Variants in MACROD1 observed in about 807,000 individuals in gnomAD.
MACROD1 encodes the protein mono-ADP ribosylhydrolase 1.
A neutral mutation model predicts 41.4 loss-of-function variants in MACROD1; 31 were observed. That is an observed-to-expected ratio of 0.75 (90% CI 0.56 to 1.01). MACROD1 has a LOEUF of 1.01. Among genes scored for constraint, MACROD1 ranks in the 50% least tolerant of loss-of-function variants. The pLI is 0.00. For missense variants in MACROD1, 473 were observed against 460.0 expected, an observed-to-expected ratio of 1.03 and a Z score of -0.26; for synonymous variants, 252 against 203.4, an observed-to-expected ratio of 1.24 and a Z score of -2.03.
At chr11:64,028,882 ACT>A (rs1409419081) in intron 3 of MACROD1, among the ~76,000 whole-genome samples, 1 of 151,694 alleles carries the variant, frequency 6.6e-6, no homozygotes, top group Non-Finnish European at 1.5e-5. Flanking sequence ...GGCTTAGGAC[ACT>A]CTTTCTCCTT....
chr11:64,159,424 T>A, intron 1 of MACROD1, among the ~76,000 whole-genome samples: 1 of 150,822 alleles, frequency 6.6e-6, no homozygotes, highest in East Asian at 1.9e-4. Context: ...GGAGTCTGGG[T>A]GGCGGAGGCT....
chr11:64,015,134 G>T, intron 4 of MACROD1, 118 bp downstream of exon 4: 1 of 1,123,256 alleles, frequency 8.9e-7, no homozygotes, highest in South Asian at 1.9e-5. Context: ...ACCCTGTGAG[G>T]ACAGTGGGGA....
chr11:64,017,109 A>G (rs1418777853), intron 3 of MACROD1, among the ~76,000 whole-genome samples: 1 of 152,130 alleles, frequency 6.6e-6, no homozygotes, highest in East Asian at 1.9e-4. Flanking sequence ...AGCTGGGACT[A>G]CAGGCATGCG....
Position 64,000,242 on chromosome 11 carries a change from G to C in MACROD1, c.649C>G (p.Arg217Gly). 2 of 1,606,020 alleles carry C rather than the reference G, an allele frequency of 1.2e-6. No homozygotes were observed. The highest frequency in any genetic ancestry group is 1.7e-6 in the Non-Finnish European group (2 of 1,177,228). ...TGKAKITGGYRLPAKYVIHTV... is the reference protein window; with the variant it reads ...TGKAKITGGYGLPAKYVIHTV... ...GGGGACTCACACTTGGCCGGGAGCCGATAGCCGCCGGTGATCTTGGCCTTG... is the reference window on the plus strand; with the variant it reads ...GGGGACTCACACTTGGCCGGGAGCCCATAGCCGCCGGTGATCTTGGCCTTG... Residue 217 changes from arginine (R) to glycine (G), a missense_variant, in exon 5 of 11, where the codon CGG (arginine) becomes GGG (glycine). Arg to Gly is a moderately radical substitution (Grantham distance 125). Coordinates refer to ENST00000255681, the MANE Select transcript of MACROD1 (RefSeq NM_014067.4).
At chr11:64,033,818 G>A (rs929484006) in intron 3 of MACROD1, among the ~76,000 whole-genome samples, 4 of 151,966 alleles carry the variant, frequency 2.6e-5, no homozygotes, top group Non-Finnish European at 5.9e-5. Context: ...TCCAGCCTGG[G>A]CGACAAGAGT....
rs377112197 is a variant in MACROD1, at chr11:64,116,987, C to T, written c.517+34252G>A. ...ACCTGCTGGCCAACCAGCGCATCGC[C>T]GACGACACCTTCAGCCGCCTACAGA... On this transcript the variant is annotated intron_variant, in intron 3 of 10. Coordinates refer to ENST00000255681, the MANE Select transcript of MACROD1 (RefSeq NM_014067.4). 5.1e-5 allele frequency: 83 copies of T among 1,612,356 alleles called. 1 individual carries two copies. In the East Asian group the frequency reaches 1.0e-3, roughly 19 times the overall value.
chr11:64,119,688 G>A (rs180713671), intron 3 of MACROD1, among the ~76,000 whole-genome samples: 11 of 152,256 alleles, frequency 7.2e-5, no homozygotes, highest in Admixed American at 5.2e-4. Context: ...TTGAGAGGGA[G>A]AGACCAGATC....
rs139768227 is a variant in MACROD1 at position 64,116,305 on chromosome 11, C to G, written c.517+34934G>C. ...CACCCCACCGCCACTGCCACCACCACGCCCACTGCCACTGTCACGGCCACC... is the reference window on the plus strand; with the variant it reads ...CACCCCACCGCCACTGCCACCACCAGGCCCACTGCCACTGTCACGGCCACC... On this transcript the variant is annotated intron_variant, in intron 3 of 10. Coordinates refer to ENST00000255681, the MANE Select transcript of MACROD1 (RefSeq NM_014067.4). The G allele has an allele frequency of 1.5e-3, 2,449 of 1,606,438 alleles. 4 individuals are homozygous for G. Among genetic ancestry groups the G allele is most frequent in the Non-Finnish European group, 1.9e-3 (2,211 of 1,178,140 alleles).
intron 3 of MACROD1, among the ~76,000 whole-genome samples, chr11:64,147,050 CAG>C (rs1945505701): frequency 6.6e-6 from 1 of 152,072 alleles, no homozygotes; most frequent in African/African-American, 2.4e-5. Flanking sequence ...AGTAGGGAAA[CAG>C]AATCTGATTT....
intron 5 of MACROD1, chr11:64,000,018 C>T (rs1444922372): frequency 9.5e-6 from 6 of 632,030 alleles, no homozygotes; most frequent in Non-Finnish European, 1.6e-5. Context: ...AAGGCGTTGC[C>T]CCCCAGCTCC....
intron 3 of MACROD1, among the ~76,000 whole-genome samples, chr11:64,106,836 C>T (rs546807222): frequency 1.2e-4 from 18 of 152,300 alleles, no homozygotes; most frequent in Middle Eastern, 3.4e-3. Flanking sequence ...AGACCTTTAG[C>T]CCCTCTCCTT....
intron 4 of MACROD1, among the ~76,000 whole-genome samples, chr11:64,011,151 G>A (rs1396478888): frequency 1.4e-5 from 2 of 145,762 alleles, no homozygotes; most frequent in Admixed American, 6.8e-5. Flanking sequence ...AGTTGGTTGG[G>A]GTGTTAGGAT....
chr11:64,073,470 G>A (rs938688574), intron 3 of MACROD1, among the ~76,000 whole-genome samples: 3 of 152,226 alleles, frequency 2.0e-5, no homozygotes, highest in Admixed American at 6.5e-5. Context: ...CCTGTCAGGT[G>A]GACAGCATGA....
chr11:64,071,065 C>T (rs1024161716), intron 3 of MACROD1, among the ~76,000 whole-genome samples: 1 of 152,158 alleles, frequency 6.6e-6, no homozygotes, highest in Non-Finnish European at 1.5e-5. Flanking sequence ...CTGTTGGGGA[C>T]ACCAGGCCTT....
At chr11:64,069,442 C>T (rs1289390597) in intron 3 of MACROD1, among the ~76,000 whole-genome samples, 1 of 152,236 alleles carries the variant, frequency 6.6e-6, no homozygotes, top group African/African-American at 2.4e-5. Context: ...TCTTGGAGCC[C>T]ACTCCCCAAG....
chr11:64,023,846 C>T (rs985844103), intron 3 of MACROD1, among the ~76,000 whole-genome samples: 2 of 152,222 alleles, frequency 1.3e-5, no homozygotes, highest in Admixed American at 1.3e-4. Context: ...CCCCACGCCT[C>T]TCCCCATAAA....
intron 3 of MACROD1, among the ~76,000 whole-genome samples, chr11:64,087,629 A>G (rs982086438): frequency 6.6e-6 from 1 of 152,200 alleles, no homozygotes; most frequent in African/African-American, 2.4e-5. Flanking sequence ...CCGCGGCCCC[A>G]GCCACCCTGC....
At position 64,106,924 on chromosome 11, in the gene MACROD1, C is replaced by T. The variant is rs189108025; in HGVS notation, c.517+44315G>A. 2.3e-3 allele frequency among the ~76,000 whole-genome samples: 347 copies of T among 152,138 alleles called. 2 individuals carry two copies. The highest frequency in any genetic ancestry group is 8.1e-3 in the African/African-American group (335 of 41,454). On this transcript the variant is annotated intron_variant, in intron 3 of 10. Coordinates refer to ENST00000255681, the MANE Select transcript of MACROD1 (RefSeq NM_014067.4). ...TGAGATAGGGTCTTACTCTGTCACT[C>T]GGGCTGGAGTGCAGTGGCACGATCT...
intron 3 of MACROD1, among the ~76,000 whole-genome samples, chr11:64,073,114 G>A (rs1474816251): frequency 6.6e-6 from 1 of 152,198 alleles, no homozygotes; most frequent in Non-Finnish European, 1.5e-5. Context: ...AAGAGGCTGC[G>A]GAGGGGGCCA....
Sources: gnomAD v4.1 joint callset for allele counts (sites outside exome capture counted in the v4.1 genomes callset) on GRCh38, gnomAD v4.1.1 for gene constraint, MANE v1.5 for transcripts, NCBI Gene and HGNC (gene_info 2026-07-23, HGNC 2026-07-21) for gene names.